The following ASIC2 variants were observed in gnomAD, a reference collection of about 807,000 sequenced individuals.
The protein encoded by ASIC2 is acid-sensing ion channel 2.
Under a neutral mutation model 57.3 loss-of-function variants are expected in ASIC2, and 25 were observed. The ratio of observed to expected loss-of-function variants is 0.44; its 90% CI spans 0.32 to 0.61. ASIC2 has a LOEUF of 0.61. Ranked by LOEUF, ASIC2 falls within the 20% of genes least tolerant of loss-of-function variation. ASIC2 has a pLI of 0.06. For synonymous variants in ASIC2, 319 were observed against 307.5 expected, an observed-to-expected ratio of 1.04 and a Z score of -0.39; for missense variants, 641 against 738.1, an observed-to-expected ratio of 0.87 and a Z score of 1.52.
chr17:33,505,012 G>A (rs1317077100), intron 1 of ASIC2, among the ~76,000 whole-genome samples: 2 of 152,176 alleles, frequency 1.3e-5, no homozygotes, highest in Admixed American at 1.3e-4. Context: ...AAGAAAGTTG[G>A]ATGGGGATGA....
At chr17:34,005,875 G>A (rs964460928) in intron 1 of ASIC2, 1 of 152,166 alleles carries the variant, frequency 6.6e-6, no homozygotes, top group Non-Finnish European at 1.5e-5. Context: ...TTGATCATGA[G>A]ATCTTTGAAA....
At chr17:33,738,045 G>A (rs1452736990) in intron 1 of ASIC2, among the ~76,000 whole-genome samples, 1 of 152,194 alleles carries the variant, frequency 6.6e-6, no homozygotes, top group African/African-American at 2.4e-5. Flanking sequence ...TCAGTTACTG[G>A]TCATGGCAAT....
chr17:33,526,921 C>T (rs372911652), intron 1 of ASIC2, among the ~76,000 whole-genome samples: 4 of 152,298 alleles, frequency 2.6e-5, no homozygotes, highest in African/African-American at 9.6e-5. Context: ...CAGGCAGATT[C>T]CTCATGCTGG....
rs988725487 is a variant in ASIC2 at position 33,870,276 on chromosome 17, C to T, written c.555+285702G>A. ...TTGTCTAAGCACTTCATCAAAGGCT[C>T]TCTGTGGTTGCTGTTTGGAGAATGG... On this transcript the variant is annotated intron_variant, in intron 1 of 9. Coordinates refer to the ASIC2 transcript ENST00000359872. Among the ~76,000 whole-genome samples the T allele has an allele frequency of 7.6e-5, 7 of 92,694 alleles. No homozygotes were observed. The Admixed American group carries it at 1.3e-3, about 17-fold the overall frequency. The allele number at this position is 92,694 out of a possible 152,430, so 60.8% of individuals were successfully genotyped here.
chr17:33,201,570 T>C (rs1337464636), intron 1 of ASIC2, among the ~76,000 whole-genome samples: 1 of 152,206 alleles, frequency 6.6e-6, no homozygotes, highest in Non-Finnish European at 1.5e-5. Flanking sequence ...TTTCTAGACA[T>C]TTCTGAATAA....
At chr17:33,680,959 C>A (rs768488220) in intron 1 of ASIC2, 2 of 152,226 alleles carry the variant, frequency 1.3e-5, no homozygotes, top group Non-Finnish European at 2.9e-5. Context: ...TTGGCCCCTG[C>A]CATCTATAAG....
intron 1 of ASIC2, among the ~76,000 whole-genome samples, chr17:33,271,442 C>G (rs1378763905): frequency 6.6e-6 from 1 of 152,154 alleles, no homozygotes; most frequent in African/African-American, 2.4e-5. Context: ...ACTTCAGTCT[C>G]AACAGACCCC....
intron 1 of ASIC2, among the ~76,000 whole-genome samples, chr17:34,029,644 C>T (rs1907516831): frequency 6.6e-6 from 1 of 152,056 alleles, no homozygotes; most frequent in Non-Finnish European, 1.5e-5. Flanking sequence ...AGACTGTAGC[C>T]TTTTAAGAAG....
At chr17:33,368,619 A>C (rs896514728) in intron 1 of ASIC2, among the ~76,000 whole-genome samples, 2 of 152,208 alleles carry the variant, frequency 1.3e-5, no homozygotes, top group African/African-American at 4.8e-5. Context: ...GAGTTGCGTG[A>C]CTTAACCTCC....
chr17:33,254,932 T>C (rs12603954), intron 1 of ASIC2, among the ~76,000 whole-genome samples: 16,770 of 152,028 alleles, frequency 0.11, 1,095 homozygotes, highest in East Asian at 0.24. Flanking sequence ...GGGAGTTCTA[T>C]GGAATTTTTA....
chr17:33,734,582 G>A (rs1282762672), intron 1 of ASIC2, among the ~76,000 whole-genome samples: 3 of 152,160 alleles, frequency 2.0e-5, no homozygotes, highest in East Asian at 1.9e-4. Flanking sequence ...CCACAAATGT[G>A]TATGTTGAAG....
intron 1 of ASIC2, among the ~76,000 whole-genome samples, chr17:33,305,272 C>T (rs1442257938): frequency 3.3e-5 from 5 of 152,162 alleles, no homozygotes; most frequent in African/African-American, 1.2e-4. Context: ...ATCAAATCCT[C>T]TTCCCCCGGC....
intron 2 of ASIC2, among the ~76,000 whole-genome samples, chr17:33,090,974 A>C (rs1460016820): frequency 6.6e-6 from 1 of 152,184 alleles, no homozygotes; most frequent in Non-Finnish European, 1.5e-5. Flanking sequence ...CCTCCAGTAC[A>C]GTCATTGTTC....
chr17:33,821,194 C>T (rs1257603564), intron 1 of ASIC2, among the ~76,000 whole-genome samples: 1 of 152,132 alleles, frequency 6.6e-6, no homozygotes, highest in Non-Finnish European at 1.5e-5. Flanking sequence ...TTAACATTGG[C>T]CCTTTAAAGC....
intron 1 of ASIC2, among the ~76,000 whole-genome samples, chr17:33,635,920 G>C (rs550677661): frequency 7.2e-5 from 11 of 152,234 alleles, no homozygotes; most frequent in Non-Finnish European, 1.6e-4. Flanking sequence ...CCATAGAAAT[G>C]TTCATCATCA....
At chr17:34,089,268 C>G (rs1398621905) in intron 1 of ASIC2, among the ~76,000 whole-genome samples, 1 of 152,206 alleles carries the variant, frequency 6.6e-6, no homozygotes, top group African/African-American at 2.4e-5. Flanking sequence ...ACAGTGTTAA[C>G]AAGGGTAGAT....
intron 1 of ASIC2, among the ~76,000 whole-genome samples, chr17:33,537,512 G>T (rs1448636560): frequency 6.6e-6 from 1 of 152,148 alleles, no homozygotes; most frequent in South Asian, 2.1e-4. Flanking sequence ...ATCTTTCTTT[G>T]TTCACTGTAT....
intron 1 of ASIC2, among the ~76,000 whole-genome samples, chr17:33,196,454 G>T (rs1046208651): frequency 1.3e-5 from 2 of 152,132 alleles, no homozygotes; most frequent in African/African-American, 2.4e-5. Context: ...CGTCCTTGCA[G>T]TTATCTGCTG....
chr17:33,432,705 A>AGTTAAGTT (rs1437692847), intron 1 of ASIC2, among the ~76,000 whole-genome samples: 9 of 152,288 alleles, frequency 5.9e-5, no homozygotes, highest in Non-Finnish European at 1.2e-4. Context: ...GACTATTCCT[A>AGTTAAGTT]GTTAAGTTTT....
Sources: gnomAD v4.1 joint callset for allele counts (sites outside exome capture counted in the v4.1 genomes callset) on GRCh38, gnomAD v4.1.1 for gene constraint, MANE v1.5 for transcripts, NCBI Gene and HGNC (gene_info 2026-07-23, HGNC 2026-07-21) for gene names.